The following CLSTN2 variants were observed in gnomAD, a reference collection of about 807,000 sequenced individuals.
CLSTN2 encodes calsyntenin-2.
Under a neutral mutation model 101.2 loss-of-function variants are expected in CLSTN2, and 48 were observed. The observed-to-expected ratio is 0.47, with a 90% CI of 0.38 to 0.60. CLSTN2 has a LOEUF of 0.60. Among genes scored for constraint, CLSTN2 ranks in the 20% least tolerant of loss-of-function variants. CLSTN2 has a pLI of 0.00. For missense variants in CLSTN2, 1,160 were observed against 1,238.2 expected (o/e 0.94, Z 0.95); for synonymous variants, 481 against 463.6 (o/e 1.04, Z -0.48).
chr3:140,503,552 A>G (rs532880693), intron 8 of CLSTN2, among the ~76,000 whole-genome samples: 1 of 151,920 alleles, frequency 6.6e-6, no homozygotes, highest in East Asian at 1.9e-4. Context: ...CGAAGGACGC[A>G]TTTCTTAGAA....
chr3:140,291,491 A>G (rs2086952741), intron 2 of CLSTN2, among the ~76,000 whole-genome samples: 1 of 150,146 alleles, frequency 6.7e-6, no homozygotes, highest in African/African-American at 2.5e-5. Flanking sequence ...CTGTGATTCC[A>G]TTGTCTCTTG....
chr3:139,979,670 C>A (rs1935883241), intron 1 of CLSTN2, among the ~76,000 whole-genome samples: 1 of 152,200 alleles, frequency 6.6e-6, no homozygotes, highest in South Asian at 2.1e-4. Context: ...TCTCAACTGA[C>A]TTTTTGAGAA....
rs139489773 is a variant in CLSTN2 at position 140,366,525 on chromosome 3, G to A, written c.233-37104G>A. On this transcript the variant is annotated intron_variant, in intron 2 of 16. Coordinates refer to ENST00000458420, the MANE Select transcript of CLSTN2 (RefSeq NM_022131.3). Reference sequence around the variant, plus strand: ...GATTTCAGACAGAGGTGCCTGAGGAGGACCCGCTTGTATAGGGCCCTTGCA... The same window carrying A: ...GATTTCAGACAGAGGTGCCTGAGGAAGACCCGCTTGTATAGGGCCCTTGCA... Among the ~76,000 whole-genome samples the A allele has an allele frequency of 2.1e-3, 322 of 152,330 alleles. 3 individuals are homozygous for A. Among genetic ancestry groups the A allele is most frequent in the African/African-American group, 7.3e-3 (305 of 41,588 alleles).
intron 1 of CLSTN2, among the ~76,000 whole-genome samples, chr3:139,943,873 C>T (rs1298936559): frequency 6.6e-6 from 1 of 152,188 alleles, no homozygotes. Context: ...TGCCTTCATC[C>T]TTACAACCCA....
At position 140,065,357 on chromosome 3, in the gene CLSTN2, C is replaced by G. The variant is rs564130252; in HGVS notation, c.110-110594C>G. Among the ~76,000 whole-genome samples the G allele has an allele frequency of 9.2e-5, 14 of 152,326 alleles. 1 individual carries two copies. In the South Asian group the frequency reaches 2.9e-3, roughly 32 times the overall value. On this transcript the variant is annotated intron_variant, in intron 1 of 16. Coordinates refer to ENST00000458420, the MANE Select transcript of CLSTN2 (RefSeq NM_022131.3). ...ACCTTCACAGTCATCTAGGGAGCCC[C>G]TTACCACTTACTCACCACTGAGTTT...
chr3:140,005,066 C>A (rs1191158068), intron 1 of CLSTN2, among the ~76,000 whole-genome samples: 3 of 152,080 alleles, frequency 2.0e-5, no homozygotes, highest in Middle Eastern at 3.2e-3. Context: ...AGCCCTGGAT[C>A]TTACACCCAC....
intron 1 of CLSTN2, among the ~76,000 whole-genome samples, chr3:139,951,803 T>C (rs1935300737): frequency 6.6e-6 from 1 of 152,164 alleles, no homozygotes; most frequent in Non-Finnish European, 1.5e-5. Flanking sequence ...TATAGTCCAG[T>C]GGATTAGACT....
At chr3:139,990,524 C>A (rs4683777) in intron 1 of CLSTN2, among the ~76,000 whole-genome samples, 80,969 of 152,106 alleles carry the variant, frequency 0.53, 24,313 homozygotes, top group Non-Finnish European at 0.66. Flanking sequence ...AATGTAATAA[C>A]CCTGCCAGAT....
At chr3:140,387,343 G>C (rs1356640861) in intron 2 of CLSTN2, among the ~76,000 whole-genome samples, 4 of 152,158 alleles carry the variant, frequency 2.6e-5, no homozygotes, top group Non-Finnish European at 5.9e-5. Context: ...TTCTCTGTTA[G>C]TTGATGAAGA....
intron 4 of CLSTN2, among the ~76,000 whole-genome samples, chr3:140,414,029 G>C (rs1355255693): frequency 1.3e-5 from 2 of 151,964 alleles, no homozygotes; most frequent in African/African-American, 2.4e-5. Flanking sequence ...ATTCAACATA[G>C]TACTGAAAGT....
intron 7 of CLSTN2, chr3:140,460,425 C>T (rs947331244): frequency 6.5e-6 from 1 of 153,556 alleles, no homozygotes; most frequent in Non-Finnish European, 1.4e-5. Flanking sequence ...TCACAGGGTT[C>T]TTATGAGGAT....
chr3:140,547,982 C>T (rs183584527), intron 10 of CLSTN2, among the ~76,000 whole-genome samples: 4 of 152,352 alleles, frequency 2.6e-5, no homozygotes, highest in African/African-American at 7.2e-5. Context: ...GCTGGCCTAA[C>T]ATCCTTGACC....
chr3:140,392,065 A>G (rs1290009622), intron 2 of CLSTN2, among the ~76,000 whole-genome samples: 1 of 152,052 alleles, frequency 6.6e-6, no homozygotes, highest in Non-Finnish European at 1.5e-5. Flanking sequence ...ATAATTTTAT[A>G]GTTATTGTAG....
chr3:140,359,112 A>G (rs2087702253), intron 2 of CLSTN2, among the ~76,000 whole-genome samples: 1 of 151,336 alleles, frequency 6.6e-6, no homozygotes, highest in Non-Finnish European at 1.5e-5. Flanking sequence ...CAGAAGCAGG[A>G]GATGGCAGTT....
chr3:140,406,600 G>A (rs888926291), intron 4 of CLSTN2, among the ~76,000 whole-genome samples: 1 of 152,338 alleles, frequency 6.6e-6, no homozygotes, highest in Admixed American at 6.5e-5. Flanking sequence ...TCTGTGAAAT[G>A]ACTAGCCTGT....
At chr3:140,388,061 T>C (rs141869571) in intron 2 of CLSTN2, among the ~76,000 whole-genome samples, 1 of 152,366 alleles carries the variant, frequency 6.6e-6, no homozygotes, top group Non-Finnish European at 1.5e-5. Flanking sequence ...TCACCAGCAG[T>C]AGCTGAAATC....
At chr3:140,056,226 T>A (rs1379014604) in intron 1 of CLSTN2, among the ~76,000 whole-genome samples, 1 of 152,178 alleles carries the variant, frequency 6.6e-6, no homozygotes, top group East Asian at 1.9e-4. Context: ...AATGACATCA[T>A]TCAATGATGT....
chr3:140,010,252 C>T (rs963832731), intron 1 of CLSTN2, among the ~76,000 whole-genome samples: 2 of 152,096 alleles, frequency 1.3e-5, no homozygotes, highest in African/African-American at 4.8e-5. Flanking sequence ...TGTACCCTGC[C>T]ATGAACTAGG....
intron 1 of CLSTN2, among the ~76,000 whole-genome samples, chr3:140,148,653 C>T (rs2009817204): frequency 6.6e-6 from 1 of 152,212 alleles, no homozygotes; most frequent in Non-Finnish European, 1.5e-5. Flanking sequence ...TTCACTTATG[C>T]ATTTTTATGA....
Sources: gnomAD v4.1 joint callset for allele counts (sites outside exome capture counted in the v4.1 genomes callset) on GRCh38, gnomAD v4.1.1 for gene constraint, MANE v1.5 for transcripts, NCBI Gene and HGNC (gene_info 2026-07-23, HGNC 2026-07-21) for gene names.